EPB41L4A: variants seen among roughly 807,000 people sequenced by gnomAD.
EPB41L4A encodes erythrocyte membrane protein band 4.1 like 4A.
In EPB41L4A, 100 loss-of-function variants were observed where a neutral mutation model predicts 108.6. The observed-to-expected ratio is 0.92, with a 90% CI of 0.78 to 1.09. EPB41L4A has a LOEUF of 1.09. Among genes scored for constraint, EPB41L4A ranks in the 50% least tolerant of loss-of-function variants. EPB41L4A has a pLI of 0.00. For missense variants in EPB41L4A, 1,030 were observed against 842.7 expected, an observed-to-expected ratio of 1.22 and a Z score of -2.75; for synonymous variants, 319 against 289.0, an observed-to-expected ratio of 1.10 and a Z score of -1.05.
At chr5:112,324,163 T>C (rs559418471) in intron 1 of EPB41L4A, among the ~76,000 whole-genome samples, 31 of 152,296 alleles carry the variant, frequency 2.0e-4, no homozygotes, top group African/African-American at 7.0e-4. Context: ...ATTTAACTAT[T>C]GTTTTAAGGA....
chr5:112,399,120 C>G (rs1326633185), intron 1 of EPB41L4A, among the ~76,000 whole-genome samples: 2 of 152,102 alleles, frequency 1.3e-5, no homozygotes, highest in Non-Finnish European at 2.9e-5. Flanking sequence ...ATATTCCTCT[C>G]AATACACCCT....
At chr5:112,394,178 A>C (rs1761163670) in intron 1 of EPB41L4A, among the ~76,000 whole-genome samples, 1 of 152,244 alleles carries the variant, frequency 6.6e-6, no homozygotes, top group Non-Finnish European at 1.5e-5. Flanking sequence ...GAAAACTGCC[A>C]CAAGACAGGG....
intron 21 of EPB41L4A, 44 bp from the exon 22 acceptor site, chr5:112,168,864 A>T: frequency 5.8e-6 from 9 of 1,558,404 alleles, no homozygotes; most frequent in Non-Finnish European, 8.0e-6. Flanking sequence ...AACAGTATCT[A>T]GAATCATAAA....
chr5:112,382,939 G>A (rs1439822294), intron 1 of EPB41L4A, among the ~76,000 whole-genome samples: 1 of 152,204 alleles, frequency 6.6e-6, no homozygotes, highest in African/African-American at 2.4e-5. Flanking sequence ...TTGGAACTGT[G>A]TGGAAAAGGA....
At chr5:112,273,914 A>T (rs559923033) in intron 4 of EPB41L4A, among the ~76,000 whole-genome samples, 1 of 152,272 alleles carries the variant, frequency 6.6e-6, no homozygotes, top group Non-Finnish European at 1.5e-5. Context: ...GCAAAAGCTT[A>T]AACTGGCATG....
chr5:112,409,106 TAAATA>T (rs1330931783), intron 1 of EPB41L4A, among the ~76,000 whole-genome samples: 1 of 152,048 alleles, frequency 6.6e-6, no homozygotes, highest in African/African-American at 2.4e-5. Flanking sequence ...GATGAAAGAA[TAAATA>T]AAATATAGTA....
At chr5:112,182,538 G>A (rs1170076146) in intron 18 of EPB41L4A, among the ~76,000 whole-genome samples, 1 of 151,980 alleles carries the variant, frequency 6.6e-6, no homozygotes, top group Admixed American at 6.6e-5. Context: ...TAAATTAAAT[G>A]TACTACTGGC....
rs1180165964 is a variant in EPB41L4A, at chr5:112,162,735, C to T, written c.*2255G>A. Reference sequence around the variant, plus strand: ...TAGATAAGTGGAGGGAATGTCATCACAAATGTAAAACTTCACTATGAGATG... The same window carrying T: ...TAGATAAGTGGAGGGAATGTCATCATAAATGTAAAACTTCACTATGAGATG... On this transcript the variant is annotated 3_prime_UTR_variant, in exon 23 of 23. Transcript: ENST00000261486. 1 of 152,106 alleles carries T rather than the reference C, an allele frequency of 6.6e-6. No homozygotes were observed. Among genetic ancestry groups the T allele is most frequent in the Non-Finnish European group, 1.5e-5 (1 of 68,014 alleles). 9.4% of individuals were successfully genotyped at this position (152,106 alleles called of 1,614,324 possible). A position where few individuals can be genotyped will look rare whatever the true frequency, so the allele number is the denominator to read the frequency against.
intron 20 of EPB41L4A, 145 bp downstream of exon 20, chr5:112,170,151 ACTTTT>A (rs1760491357): frequency 4.2e-6 from 3 of 712,872 alleles, no homozygotes; most frequent in Non-Finnish European, 7.1e-6. Context: ...TTTAATGCAC[ACTTTT>A]CTTCCTCTTT....
chr5:112,286,713 CT>C (rs752029647), intron 2 of EPB41L4A, among the ~76,000 whole-genome samples: 20 of 152,146 alleles, frequency 1.3e-4, no homozygotes, highest in Non-Finnish European at 2.4e-4. Flanking sequence ...ACCTTCTGTT[CT>C]CTTTCCTGCA....
chr5:112,233,000 AG>A, intron 12 of EPB41L4A, among the ~76,000 whole-genome samples: 1 of 152,362 alleles, frequency 6.6e-6, no homozygotes, highest in Middle Eastern at 3.4e-3. Context: ...CATGGATTAA[AG>A]CTGCTTGATT....
In EPB41L4A at chr5:112,233,993, C is replaced by T. The variant is rs560237412; in HGVS notation, c.1087+641G>A. ...ACAGGTATGAGCCATTGTGCCCAGC[C>T]AAGATTTTATGTAAAATAAAACCCC... On this transcript the variant is annotated intron_variant, in intron 12 of 22. Coordinates refer to ENST00000261486, the MANE Select transcript of EPB41L4A (RefSeq NM_022140.5). 5.3e-5 allele frequency among the ~76,000 whole-genome samples: 8 copies of T among 151,612 alleles called. No individual in the cohort carries two copies. The East Asian group carries it at 1.4e-3, about 26-fold the overall frequency.
rs1761873363 is a variant in EPB41L4A at position 112,194,642 on chromosome 5, T to A, written c.1428A>T (p.Ser476=). The A allele has an allele frequency of 2.5e-6, 4 of 1,597,182 alleles. No homozygotes were observed. The East Asian group carries it at 6.8e-5, about 27-fold the overall frequency. The change falls in exon 17 of 23, where the codon TCA becomes TCT. Residue 476 remains serine, a synonymous_variant. Coordinates refer to ENST00000261486, the MANE Select transcript of EPB41L4A (RefSeq NM_022140.5). ...CACTGCTGGTGTTACAGCGTGAACG[T>A]GACCTGAAGACAAAAAGGTAAGAAC... ...EDSDLKQRRR[S]RSRCNTSSGS...
intron 18 of EPB41L4A, among the ~76,000 whole-genome samples, chr5:112,176,638 T>A (rs1013665880): frequency 6.6e-6 from 1 of 152,142 alleles, no homozygotes; most frequent in Non-Finnish European, 1.5e-5. Context: ...ACCACCATCT[T>A]TTCTGAGCTA....
chr5:112,313,704 T>C (rs1454210537), intron 1 of EPB41L4A, among the ~76,000 whole-genome samples: 1 of 152,100 alleles, frequency 6.6e-6, no homozygotes, highest in Admixed American at 6.5e-5. Flanking sequence ...CTTTTTTTGC[T>C]GTGGAGGCAG....
chr5:112,376,784 G>A (rs1458798938), intron 1 of EPB41L4A, among the ~76,000 whole-genome samples: 1 of 152,150 alleles, frequency 6.6e-6, no homozygotes, highest in Non-Finnish European at 1.5e-5. Context: ...AAGTTAAAAA[G>A]CAACCCAAAA....
intron 1 of EPB41L4A, among the ~76,000 whole-genome samples, chr5:112,314,173 A>G (rs1212383750): frequency 6.6e-6 from 1 of 151,940 alleles, no homozygotes; most frequent in Non-Finnish European, 1.5e-5. Context: ...GTAACTTTCT[A>G]ATCTGAATTA....
At position 112,290,843 on chromosome 5, in the gene EPB41L4A, C is replaced by T. The variant is rs1753596931; in HGVS notation, c.205-10520G>A. ...CCAGCCCAGGGAGCTGCAAAGTAAG[C>T]AGGGTCCAGGTGCCCTGCTCAGCAC... On this transcript the variant is annotated intron_variant, in intron 2 of 22. Coordinates refer to ENST00000261486, the MANE Select transcript of EPB41L4A (RefSeq NM_022140.5). 2.6e-5 allele frequency among the ~76,000 whole-genome samples: 4 copies of T among 152,282 alleles called. No homozygotes were observed. The South Asian group carries it at 8.3e-4, about 32-fold the overall frequency.
chr5:112,353,875 G>A (rs1418375448), intron 1 of EPB41L4A, among the ~76,000 whole-genome samples: 1 of 152,176 alleles, frequency 6.6e-6, no homozygotes, highest in African/African-American at 2.4e-5. Flanking sequence ...CCCCTGCATA[G>A]TTGTGTTTGG....
Sources: gnomAD v4.1 joint callset for allele counts (sites outside exome capture counted in the v4.1 genomes callset) on GRCh38, gnomAD v4.1.1 for gene constraint, MANE v1.5 for transcripts, NCBI Gene and HGNC (gene_info 2026-07-23, HGNC 2026-07-21) for gene names.